P4HA3: variants seen among roughly 807,000 people sequenced by gnomAD.
P4HA3 encodes prolyl 4-hydroxylase subunit alpha-3.
P4HA3 carries 60 observed loss-of-function variants against 66.7 expected under a neutral mutation model. The ratio of observed to expected loss-of-function variants is 0.90; its 90% confidence interval spans 0.73 to 1.12. The LOEUF is 1.12. Ranked by LOEUF, P4HA3 falls within the 50% of genes most tolerant of loss-of-function variation. P4HA3 has a pLI of 0.00. For synonymous variants in P4HA3, 263 were observed against 274.6 expected, an observed-to-expected ratio of 0.96 and a Z score of 0.42; for missense variants, 683 against 685.8, an observed-to-expected ratio of 1.00 and a Z score of 0.05.
chr11:74,277,180 G>C (rs1221173223), intron 8 of P4HA3, 36 bp from the exon 9 acceptor site: 8 of 1,582,916 alleles, frequency 5.1e-6, no homozygotes, highest in East Asian at 4.5e-5. Context: ...TCAATGATCT[G>C]TTGCCCGAAA....
rs753610327 is a variant in P4HA3, at chr11:74,302,322, A to C, written c.567+47T>G. On this transcript the variant is annotated intron_variant, in intron 3 of 12. Transcript: ENST00000331597. ...CAATCGGTACATAGTTATTTTATCC[A>C]TAAGAAACCAGAGCCAAGCAATTGG... is the stretch of plus-strand genomic sequence containing the variant. 6 of 1,503,582 alleles carry C rather than the reference A, an allele frequency of 4.0e-6. No individual in the cohort carries two copies. In the South Asian group the frequency reaches 7.2e-5, roughly 18 times the overall value. 93.1% of individuals were successfully genotyped at this position (1,503,582 alleles called of 1,614,324 possible).
At chr11:74,274,018 G>A (rs1434110653) in intron 9 of P4HA3, among the ~76,000 whole-genome samples, 1 of 150,164 alleles carries the variant, frequency 6.7e-6, no homozygotes, top group African/African-American at 2.4e-5. Flanking sequence ...TTTTTGTCAT[G>A]GAACAGTTTG....
In P4HA3 at chr11:74,286,283, G is replaced by A. The variant is rs748820427; in HGVS notation, c.878C>T (p.Pro293Leu). The change falls in exon 6 of 13, where the codon CCC (proline) becomes CTC (leucine). Residue 293 changes from proline to leucine, a missense_variant. Coordinates refer to ENST00000331597, the MANE Select transcript of P4HA3 (RefSeq NM_182904.5). ...GTAGGTGTCTCTGGTCTGCAGGTGG[G>A]GTATATTGGGCCTCTGGATGACAGC... ...AEAVIQRPNIPHLQTRDTYEG... is the reference protein window; with the variant it reads ...AEAVIQRPNILHLQTRDTYEG... 3.7e-5 allele frequency: 59 copies of A among 1,612,622 alleles called. No individual in the cohort carries two copies. Among genetic ancestry groups the A allele is most frequent in the Non-Finnish European group, 4.4e-5 (52 of 1,179,560 alleles).
chr11:74,296,762 T>C (rs147033209), intron 4 of P4HA3, among the ~76,000 whole-genome samples: 4 of 152,288 alleles, frequency 2.6e-5, no homozygotes, highest in African/African-American at 9.6e-5. Flanking sequence ...TAAGCTGCTT[T>C]AGTTTCTCTT....
rs1313573904 is a variant in P4HA3, at chr11:74,273,614, A to G, written c.1336-7T>C. Reference sequence around the variant, plus strand: ...AGAGGGGGCTGCTTGGTGACTGAGAAAAAAAAAAACAGAACATATTATTTT... The same window carrying G: ...AGAGGGGGCTGCTTGGTGACTGAGAGAAAAAAAAACAGAACATATTATTTT... On this transcript the variant is annotated splice_region_variant and splice_polypyrimidine_tract_variant and intron_variant, in intron 9 of 12. Transcript: ENST00000331597. 3.6e-5 allele frequency: 56 copies of G among 1,545,518 alleles called. No individual in the cohort carries two copies. Among genetic ancestry groups the G allele is most frequent in the Non-Finnish European group, 4.5e-5 (52 of 1,152,080 alleles).
intron 10 of P4HA3, 149 bp downstream of exon 10, chr11:74,273,396 A>T: frequency 3.8e-6 from 2 of 526,420 alleles, no homozygotes; most frequent in Non-Finnish European, 6.2e-6. Context: ...TACAGTGCCT[A>T]TCAAAAATGC....
intron 15 of P4HA3, chr11:74,253,496 T>C (rs1355250692): frequency 5.0e-6 from 8 of 1,608,664 alleles, no homozygotes; most frequent in Non-Finnish European, 6.0e-6. Context: ...CCACAGTGTG[T>C]TTCCTGGCTG....
chr11:74,267,805 G>C (rs1193880552), intron 12 of P4HA3, among the ~76,000 whole-genome samples: 1 of 152,142 alleles, frequency 6.6e-6, no homozygotes, highest in Non-Finnish European at 1.5e-5. Flanking sequence ...CCTCCTCATG[G>C]GGAGCACTAA....
chr11:74,279,155 G>A (rs1860503230), intron 8 of P4HA3, among the ~76,000 whole-genome samples: 1 of 152,212 alleles, frequency 6.6e-6, no homozygotes, highest in Non-Finnish European at 1.5e-5. Context: ...TTAGGGCAGA[G>A]GAGCTCTTCC....
chr11:74,284,891 C>G (rs1860735208), intron 7 of P4HA3, among the ~76,000 whole-genome samples: 1 of 152,186 alleles, frequency 6.6e-6, no homozygotes, highest in Non-Finnish European at 1.5e-5. Context: ...CTCAACACTT[C>G]TCGCCACATT....
In P4HA3 at chr11:74,273,623, A is replaced by G. The variant is rs79541803; in HGVS notation, c.1336-16T>C. 1 of 1,552,354 alleles carries G rather than the reference A, an allele frequency of 6.4e-7. No individual in the cohort carries two copies. The highest frequency in any genetic ancestry group is 8.6e-7 in the Non-Finnish European group (1 of 1,156,710). ...TGCTTGGTGACTGAGAAAAAAAAAA[A>G]CAGAACATATTATTTTATGCAGATG... On this transcript the variant is annotated splice_polypyrimidine_tract_variant and intron_variant, in intron 9 of 12. Coordinates refer to ENST00000331597, the MANE Select transcript of P4HA3 (RefSeq NM_182904.5).
chr11:74,281,134 T>C (rs1173083615), intron 7 of P4HA3, among the ~76,000 whole-genome samples: 3 of 152,226 alleles, frequency 2.0e-5, no homozygotes, highest in Admixed American at 2.0e-4. Flanking sequence ...TGCTCACCAT[T>C]ACTGGCCATC....
chr11:74,310,107 A>G (rs1861687584), intron 1 of P4HA3, among the ~76,000 whole-genome samples: 1 of 152,238 alleles, frequency 6.6e-6, no homozygotes, highest in African/African-American at 2.4e-5. Context: ...GTCACATGAT[A>G]TAAGTACAAT....
chr11:74,291,625 A>C (rs1055529354), intron 4 of P4HA3, among the ~76,000 whole-genome samples: 4 of 152,170 alleles, frequency 2.6e-5, no homozygotes, highest in Non-Finnish European at 5.9e-5. Context: ...GTCCATCAAT[A>C]CCTAATTTAT....
At chr11:74,295,540 GA>G (rs1281190730) in intron 4 of P4HA3, among the ~76,000 whole-genome samples, 1 of 151,980 alleles carries the variant, frequency 6.6e-6, no homozygotes, top group African/African-American at 2.4e-5. Flanking sequence ...ATGAGAAATG[GA>G]AAAAAATTAC....
chr11:74,276,737 C>T lies in P4HA3; in HGVS notation c.1335+248G>A, dbSNP rs190864100. ...TAGGAAGTCCCTGAGTGGAGCAGTCCGATGATTCCATGACAAGCCACATTC... is the reference window on the plus strand; with the variant it reads ...TAGGAAGTCCCTGAGTGGAGCAGTCTGATGATTCCATGACAAGCCACATTC... On this transcript the variant is annotated intron_variant, in intron 9 of 12. Coordinates refer to ENST00000331597, the MANE Select transcript of P4HA3 (RefSeq NM_182904.5). Among the ~76,000 whole-genome samples the T allele has an allele frequency of 3.2e-3, 492 of 152,144 alleles. 3 individuals carry two copies. In the Middle Eastern group the frequency reaches 0.034, roughly 11 times the overall value.
rs753612910 is a variant in P4HA3, at chr11:74,298,288, G to T, written c.641C>A (p.Ser214Tyr). Residue 214 changes from serine to tyrosine, a missense_variant, in exon 4 of 13, where the codon TCT (serine) becomes TAT (tyrosine). Physicochemically the swap from Ser to Tyr is moderately radical, Grantham distance 144. Transcript: ENST00000331597. ...ATCCTCTGTCTTCCACTCTCCGTAA[G>T]ATCCTCGGAAGAGACTGACAGCCTC... is the stretch of plus-strand genomic sequence containing the variant. The part of the protein sequence containing the change: ...LEEAVSLFRG[S>Y]YGEWKTEDEA... The T allele has an allele frequency of 7.4e-6, 12 of 1,613,940 alleles. No homozygotes were observed.
Position 74,302,567 on chromosome 11 carries a change from C to T in P4HA3, c.369G>A (p.Val123=). 3 of 1,614,108 alleles carry T rather than the reference C, an allele frequency of 1.9e-6. No individual in the cohort carries two copies. The highest frequency in any genetic ancestry group is 1.1e-5 in the South Asian group (1 of 91,072). The change falls in exon 3 of 13, where the codon GTG becomes GTA. Residue 123 remains valine, a synonymous_variant. Transcript: ENST00000331597. The part of the protein sequence containing the change: ...IRALKDGYEK[V]EQDLPAFEDL... The stretch of plus-strand genomic sequence containing the variant: ...CCTCAAAGGCTGGAAGGTCTTGCTC[C>T]ACCTTCTCATAGCCATCCTTCAGAG...
intron 15 of P4HA3, among the ~76,000 whole-genome samples, chr11:74,256,769 C>G (rs1300774026): frequency 6.6e-6 from 1 of 152,134 alleles, no homozygotes; most frequent in East Asian, 1.9e-4. Context: ...AGGGAAACTC[C>G]TTCCCAAAAA....
Sources: gnomAD v4.1 joint callset for allele counts (sites outside exome capture counted in the v4.1 genomes callset) on GRCh38, gnomAD v4.1.1 for gene constraint, MANE v1.5 for transcripts, NCBI Gene and HGNC (gene_info 2026-07-23, HGNC 2026-07-21) for gene names.